STAB2: variants seen among roughly 807,000 people sequenced by gnomAD.
The protein encoded by STAB2 is stabilin-2.
Under a neutral mutation model 338.1 loss-of-function variants are expected in STAB2, and 288 were observed. That is an observed-to-expected ratio of 0.85 (90% CI 0.77 to 0.94). STAB2 has a LOEUF of 0.94. Among genes scored for constraint, STAB2 ranks in the 40% least tolerant of loss-of-function variants. STAB2 has a pLI of 0.00. For synonymous variants in STAB2, 1,202 were observed against 1,193.3 expected (o/e 1.01, Z -0.15); for missense variants, 3,141 against 3,210.1 (o/e 0.98, Z 0.52).
chr12:103,664,182 T>C (rs1174893920), intron 18 of STAB2, among the ~76,000 whole-genome samples: 2 of 152,116 alleles, frequency 1.3e-5, no homozygotes, highest in African/African-American at 4.8e-5. Context: ...CTCGCTCTGT[T>C]GCCCAGGCTG....
intron 56 of STAB2, among the ~76,000 whole-genome samples, chr12:103,744,461 C>CT (rs3035275): frequency 1.0e-3 from 124 of 122,438 alleles, no homozygotes; most frequent in African/African-American, 1.9e-3. Flanking sequence ...CACAATTTTA[C>CT]TTTTTTTTTT....
intron 15 of STAB2, among the ~76,000 whole-genome samples, chr12:103,659,240 G>A (rs1210914896): frequency 6.6e-6 from 1 of 152,224 alleles, no homozygotes; most frequent in African/African-American, 2.4e-5. Flanking sequence ...GGAGGTGCCA[G>A]GACAATAGGC....
intron 44 of STAB2, among the ~76,000 whole-genome samples, chr12:103,723,620 A>G (rs1880944205): frequency 6.6e-6 from 1 of 152,224 alleles, no homozygotes; most frequent in African/African-American, 2.4e-5. Flanking sequence ...GAGTCCAGAT[A>G]GCATGTATCG....
chr12:103,595,695 T>C (rs187268103), intron 3 of STAB2, among the ~76,000 whole-genome samples: 1 of 152,348 alleles, frequency 6.6e-6, no homozygotes, highest in Admixed American at 6.5e-5. Flanking sequence ...GAGTTAGACA[T>C]TTTTATCCCC....
intron 40 of STAB2, 23 bp from the exon 41 acceptor site, chr12:103,712,344 C>T: frequency 6.3e-7 from 1 of 1,596,146 alleles, no homozygotes; most frequent in Non-Finnish European, 8.6e-7. Context: ...TCTACAAACC[C>T]CATTTGTCCT....
chr12:103,669,312 T>C (rs1965076), intron 20 of STAB2: 218,811 of 471,728 alleles, frequency 0.46, 51,970 homozygotes, highest in East Asian at 0.63. Context: ...TTCCTCTGTC[T>C]GTTCGCACAG....
rs766164916 is a variant in STAB2 at position 103,761,322 on chromosome 12, G to T, written c.7271G>T (p.Gly2424Val). ...TAGACGGAGACCAGGTTTGTTGATG[G>T]AAGAGCCATTCTGCAGTGGGACATC... ...LQPTETRFVD[G>V]RAILQWDIFA... The change falls in exon 66 of 69, where the codon GGA becomes GTA. Residue 2424 changes from glycine (G) to valine (V), a missense_variant. Gly to Val is a moderately radical substitution (Grantham distance 109). Coordinates refer to ENST00000388887, the MANE Select transcript of STAB2 (RefSeq NM_017564.10). 8.7e-6 allele frequency: 14 copies of T among 1,614,082 alleles called. No homozygotes were observed. Among genetic ancestry groups the T allele is most frequent in the Non-Finnish European group, 8.5e-7 (1 of 1,180,010 alleles).
intron 33 of STAB2, among the ~76,000 whole-genome samples, chr12:103,696,524 G>T (rs548411981): frequency 6.6e-6 from 1 of 152,314 alleles, no homozygotes; most frequent in Admixed American, 6.5e-5. Context: ...GAGGTCATTT[G>T]GACTTAGTCC....
intron 2 of STAB2, among the ~76,000 whole-genome samples, chr12:103,593,198 G>C (rs776731007): frequency 1.5e-4 from 23 of 152,126 alleles, no homozygotes; most frequent in Non-Finnish European, 2.8e-4. Context: ...TAGGATTAAT[G>C]GATCATATGG....
At chr12:103,702,367 C>A in intron 34 of STAB2, among the ~76,000 whole-genome samples, 1 of 151,024 alleles carries the variant, frequency 6.6e-6, no homozygotes, top group African/African-American at 2.4e-5. Context: ...GGTGCGATCT[C>A]GGCTCACTGC....
chr12:103,675,816 G>T, intron 23 of STAB2, 112 bp from the exon 24 acceptor site: 1 of 754,298 alleles, frequency 1.3e-6, no homozygotes, highest in South Asian at 1.9e-5. Context: ...TCCTCCACAG[G>T]AGCAAAGGAT....
chr12:103,658,870 C>T (rs1032845540), intron 15 of STAB2, among the ~76,000 whole-genome samples: 5 of 152,314 alleles, frequency 3.3e-5, no homozygotes, highest in South Asian at 2.1e-4. Context: ...GTTTGGTGGA[C>T]GCAGTCAAGT....
intron 9 of STAB2, 74 bp downstream of exon 9, chr12:103,640,330 T>C (rs1200479443): frequency 1.3e-6 from 2 of 1,557,732 alleles, no homozygotes; most frequent in African/African-American, 1.4e-5. Flanking sequence ...GTAAGTTTCT[T>C]GAAGGGGAGG....
At chr12:103,645,472 T>C (rs894856056) in intron 9 of STAB2, among the ~76,000 whole-genome samples, 1 of 152,246 alleles carries the variant, frequency 6.6e-6, no homozygotes, top group Admixed American at 6.5e-5. Flanking sequence ...CAAGAAACTT[T>C]TACAGAGAAA....
At chr12:103,638,452 C>T (rs1311758318) in intron 8 of STAB2, among the ~76,000 whole-genome samples, 1 of 152,192 alleles carries the variant, frequency 6.6e-6, no homozygotes, top group African/African-American at 2.4e-5. Flanking sequence ...ACGTTCTCTC[C>T]TGTCACAGTC....
intron 2 of STAB2, among the ~76,000 whole-genome samples, chr12:103,592,873 A>T (rs768296913): frequency 2.6e-5 from 4 of 152,120 alleles, no homozygotes; most frequent in African/African-American, 4.8e-5. Context: ...AACAACCACC[A>T]TTCCACTCTA....
rs544442111 is a variant in STAB2 at position 103,635,271 on chromosome 12, A to G, written c.584-1840A>G. The stretch of plus-strand genomic sequence containing the variant: ...AAGCCACCCTTTTTGCCTGCTCGTG[A>G]TAATGGAGCTGGGCTTTATAAATGA... On this transcript the variant is annotated intron_variant, in intron 6 of 68. Coordinates refer to ENST00000388887, the MANE Select transcript of STAB2 (RefSeq NM_017564.10). 3.3e-5 allele frequency among the ~76,000 whole-genome samples: 5 copies of G among 152,310 alleles called. No individual in the cohort carries two copies. In the South Asian group the frequency reaches 1.0e-3, roughly 32 times the overall value.
At chr12:103,739,565 GTGTGTGTGC>G in intron 54 of STAB2, 97 bp downstream of exon 54, 1 of 883,742 alleles carries the variant, frequency 1.1e-6, no homozygotes, top group Admixed American at 3.3e-5. Flanking sequence ...GTGTGTGTGT[GTGTGTGTGC>G]CCGTGCACGT....
In STAB2 at chr12:103,747,606, C is replaced by G. The variant is rs1883169646; in HGVS notation, c.6244+902C>G. Among the ~76,000 whole-genome samples, 3 of 152,152 alleles carry G rather than the reference C, an allele frequency of 2.0e-5. No individual in the cohort carries two copies. The South Asian group carries it at 6.2e-4, about 32-fold the overall frequency. Reference sequence around the variant, plus strand: ...CTGCTCCCATCCCATTGGCTGGAATCTCATCATTGGTCATGCCTAGCTACA... The same window carrying G: ...CTGCTCCCATCCCATTGGCTGGAATGTCATCATTGGTCATGCCTAGCTACA... On this transcript the variant is annotated intron_variant, in intron 58 of 68. Transcript: ENST00000388887.
Sources: allele counts gnomAD v4.1 joint callset (sites outside exome capture counted in the v4.1 genomes callset), GRCh38; gene constraint gnomAD v4.1.1; transcripts MANE v1.5; gene names NCBI Gene and HGNC (gene_info 2026-07-23, HGNC 2026-07-21).